The following ERAP1 variants were observed in gnomAD, a reference collection of about 807,000 sequenced individuals.
ERAP1 encodes adipocyte-derived leucine aminopeptidase.
ERAP1 carries 86 observed loss-of-function variants against 103.7 expected under a neutral mutation model. The ratio of observed to expected loss-of-function variants is 0.83; its 90% CI spans 0.70 to 0.99. The LOEUF (loss-of-function observed/expected upper bound fraction) is 0.99, where lower values mean the gene tolerates loss of function less well. Ranked by LOEUF, ERAP1 falls within the 50% of genes least tolerant of loss-of-function variation. The pLI is 0.00. For missense variants in ERAP1, 1,009 were observed against 1,128.4 expected, an observed-to-expected ratio of 0.89 and a Z score of 1.52; for synonymous variants, 398 against 402.4, an observed-to-expected ratio of 0.99 and a Z score of 0.13.
chr5:96,879,548 T>G, the ERAP1 span: 1 of 631,144 alleles, frequency 1.6e-6, no homozygotes, highest in Non-Finnish European at 2.7e-6. Context: ...GCTATAAGTG[T>G]GTTTTTTTCT....
the ERAP1 span, among the ~76,000 whole-genome samples, chr5:96,877,619 C>T: frequency 5.3e-5 from 8 of 152,324 alleles, no homozygotes; most frequent in Middle Eastern, 3.4e-3. Context: ...ATAAATGAAG[C>T]TCAAAAAGTA....
At chr5:96,878,868 C>T in the ERAP1 span, among the ~76,000 whole-genome samples, 1 of 152,288 alleles carries the variant, frequency 6.6e-6, no homozygotes, top group Admixed American at 6.5e-5. Flanking sequence ...GCAGAGGTTG[C>T]AGTGAGCCAA....
the ERAP1 span, among the ~76,000 whole-genome samples, chr5:96,897,925 A>C: frequency 6.6e-6 from 1 of 152,196 alleles, no homozygotes; most frequent in African/African-American, 2.4e-5. Context: ...GGCCGGGTAC[A>C]ATGGCTCACG....
chr5:96,897,060 G>A, the ERAP1 span, among the ~76,000 whole-genome samples: 1 of 99,106 alleles, frequency 1.0e-5, no homozygotes, highest in Non-Finnish European at 2.2e-5. Flanking sequence ...GGTGGCCCCA[G>A]GGGCTCACTA....
At chr5:96,765,154 C>T (rs1468302715) in intron 19 of ERAP1, 2 of 890,744 alleles carry the variant, frequency 2.2e-6, no homozygotes, top group Non-Finnish European at 3.7e-6. Flanking sequence ...GATGGAGTTC[C>T]TGGGCTAATT....
chr5:96,863,212 C>T, the ERAP1 span, among the ~76,000 whole-genome samples: 3,692 of 152,118 alleles, frequency 0.024, 58 homozygotes, highest in Middle Eastern at 0.037. Context: ...GTACCCAAGG[C>T]TTGTTCCCCA....
At chr5:96,800,723 T>C (rs1278251280) in intron 3 of ERAP1, 139 bp downstream of exon 3, 2 of 928,254 alleles carry the variant, frequency 2.2e-6, no homozygotes, top group Non-Finnish European at 3.4e-6. Flanking sequence ...AAAGCATAGG[T>C]TATAAATGAA....
chr5:96,891,497 GTGTA>G, the ERAP1 span, among the ~76,000 whole-genome samples: 3 of 85,360 alleles, frequency 3.5e-5, no homozygotes, highest in South Asian at 1.2e-3. Context: ...GTGTGTGTGT[GTGTA>G]TATATATATA....
chr5:96,778,100 A>G, intron 18 of ERAP1, among the ~76,000 whole-genome samples: 1 of 152,214 alleles, frequency 6.6e-6, no homozygotes, highest in East Asian at 1.9e-4. Flanking sequence ...CCCAGCATGT[A>G]TCAGGGACTT....
At chr5:96,763,834 A>G (rs1177309882) in intron 19 of ERAP1, among the ~76,000 whole-genome samples, 1 of 152,332 alleles carries the variant, frequency 6.6e-6, no homozygotes, top group East Asian at 1.9e-4. Flanking sequence ...GCTTCAAAGA[A>G]AATAGAAGAT....
In ERAP1 at chr5:96,803,684, T is replaced by A. The variant is rs1307651757; in HGVS notation, c.243A>T (p.Lys81Asn). The A allele has an allele frequency of 1.5e-5, 24 of 1,614,218 alleles. No individual in the cohort carries two copies. The highest frequency in any genetic ancestry group is 1.9e-5 in the Non-Finnish European group (23 of 1,180,032). ...LTTLTFWGTT[K>N]VEITASQPTS... Reference sequence around the variant, plus strand: ...TGGGCTGACTGGCTGTGATTTCTACTTTCGTGGTTCCCCAGAAGGTCAGCG... The same window carrying A: ...TGGGCTGACTGGCTGTGATTTCTACATTCGTGGTTCCCCAGAAGGTCAGCG... The change falls in exon 2 of 19, where the codon AAA becomes AAT. Residue 81 changes from lysine to asparagine, a missense_variant. Lys to Asn is a moderately conservative substitution (Grantham distance 94, BLOSUM62 0). Around this residue, in one of 3 missense-constraint regions of ERAP1, gnomAD observed 392 missense variants for 455.2 expected, o/e 0.86. Coordinates refer to ENST00000443439, the MANE Select transcript of ERAP1 (RefSeq NM_001040458.3).
At chr5:96,917,644 C>G in the ERAP1 span, 526 of 1,547,330 alleles carry the variant, frequency 3.4e-4, 5 homozygotes, top group Admixed American at 1.3e-4. Context: ...CGGTGGCTCA[C>G]GCCTGTAATC....
the ERAP1 span, among the ~76,000 whole-genome samples, chr5:96,837,663 T>C: frequency 2.6e-5 from 4 of 152,244 alleles, no homozygotes; most frequent in African/African-American, 4.8e-5. Context: ...AGTGCTCTTT[T>C]AGCTTTGCTG....
At chr5:96,891,367 ATGTG>A in the ERAP1 span, among the ~76,000 whole-genome samples, 1 of 146,042 alleles carries the variant, frequency 6.8e-6, no homozygotes, top group Non-Finnish European at 1.5e-5. Context: ...GTATATATAT[ATGTG>A]TATATATATA....
chr5:96,930,980 G>C, the ERAP1 span, among the ~76,000 whole-genome samples: 2 of 152,094 alleles, frequency 1.3e-5, no homozygotes, highest in African/African-American at 2.4e-5. Flanking sequence ...ATGCAGGCTG[G>C]ACTGGGCAAA....
At chr5:96,826,982 A>G in the ERAP1 span, among the ~76,000 whole-genome samples, 1 of 152,222 alleles carries the variant, frequency 6.6e-6, no homozygotes, top group Non-Finnish European at 1.5e-5. Context: ...CTATCCCCAC[A>G]AAGCTCAAAT....
chr5:96,892,933 T>A, the ERAP1 span, among the ~76,000 whole-genome samples: 392 of 152,302 alleles, frequency 2.6e-3, 6 homozygotes, highest in Admixed American at 0.022. Context: ...GGCACATACC[T>A]AACTCTCTGA....
intron 19 of ERAP1, among the ~76,000 whole-genome samples, chr5:96,764,955 G>A (rs1769323682): frequency 1.3e-5 from 2 of 152,208 alleles, no homozygotes; most frequent in South Asian, 4.1e-4. Flanking sequence ...TTAACCTGGT[G>A]GGATCTTCAC....
the ERAP1 span, among the ~76,000 whole-genome samples, chr5:96,911,322 GT>G: frequency 6.6e-6 from 1 of 152,076 alleles, no homozygotes; most frequent in Admixed American, 6.6e-5. Context: ...TCTGTGTTGT[GT>G]TTTTTCTGAG....
Sources: gnomAD v4.1 joint callset for allele counts (sites outside exome capture counted in the v4.1 genomes callset) on GRCh38, gnomAD v4.1.1 for gene constraint, gnomAD v4.1.1 regional missense constraint, MANE v1.5 for transcripts, NCBI Gene and HGNC (gene_info 2026-07-23, HGNC 2026-07-21) for gene names.